Variants in TMTC2 observed in about 807,000 individuals in gnomAD.
The protein encoded by TMTC2 is protein O-mannosyl-transferase TMTC2.
A neutral mutation model predicts 82.4 loss-of-function variants in TMTC2; 43 were observed. The observed-to-expected ratio is 0.52, with a 90% confidence interval of 0.41 to 0.67. The LOEUF is 0.67. Ranked by LOEUF, TMTC2 falls within the 30% of genes least tolerant of loss-of-function variation. The probability of loss-of-function intolerance (pLI) is 0.00; values close to 1 mark genes in which losing one functional copy is unlikely to be tolerated. For missense variants in TMTC2, 919 were observed against 1,012.4 expected, an observed-to-expected ratio of 0.91 and a Z score of 1.25; for synonymous variants, 408 against 381.9, an observed-to-expected ratio of 1.07 and a Z score of -0.80.
At chr12:82,742,564 G>A (rs1335111210) in intron 1 of TMTC2, among the ~76,000 whole-genome samples, 2 of 151,156 alleles carry the variant, frequency 1.3e-5, no homozygotes, top group Admixed American at 6.6e-5. Flanking sequence ...TTGTCGCCCA[G>A]GCTGTAGTGC....
At chr12:83,050,322 G>A (rs1001035038) in intron 9 of TMTC2, among the ~76,000 whole-genome samples, 1 of 136,036 alleles carries the variant, frequency 7.4e-6, no homozygotes, top group Non-Finnish European at 1.7e-5. Context: ...TTCTGGGATA[G>A]CATTATATAA....
At chr12:82,901,415 C>T (rs1045673923) in intron 3 of TMTC2, among the ~76,000 whole-genome samples, 14 of 150,386 alleles carry the variant, frequency 9.3e-5, no homozygotes, top group South Asian at 2.1e-4. Flanking sequence ...AGCAATTCAC[C>T]GGCCACAGCC....
chr12:83,106,653 G>T (rs181319348), intron 11 of TMTC2, among the ~76,000 whole-genome samples: 2 of 152,252 alleles, frequency 1.3e-5, no homozygotes, highest in South Asian at 2.1e-4. Context: ...CAGCCAGAGA[G>T]AAAAGAAAAC....
At chr12:83,006,722 G>T (rs4569064) in intron 8 of TMTC2, among the ~76,000 whole-genome samples, 1 of 151,772 alleles carries the variant, frequency 6.6e-6, no homozygotes, top group Admixed American at 6.6e-5. Context: ...ATCAATGATA[G>T]ACTGGATTAA....
chr12:82,987,452 A>T (rs1293528049), intron 8 of TMTC2, among the ~76,000 whole-genome samples: 1 of 151,402 alleles, frequency 6.6e-6, no homozygotes, highest in East Asian at 1.9e-4. Context: ...AAAAAAAAAG[A>T]AATCATATAG....
At chr12:83,117,667 A>T (rs1175971346) in intron 11 of TMTC2, among the ~76,000 whole-genome samples, 1 of 151,818 alleles carries the variant, frequency 6.6e-6, no homozygotes, top group Non-Finnish European at 1.5e-5. Context: ...TGAATTTTAG[A>T]TTTGTTTTTT....
At chr12:83,054,614 A>G (rs1416375763) in intron 10 of TMTC2, among the ~76,000 whole-genome samples, 2 of 150,738 alleles carry the variant, frequency 1.3e-5, no homozygotes, top group Admixed American at 6.7e-5. Flanking sequence ...ATTTATATAT[A>G]TAGTATACAT....
At chr12:82,912,171 T>A (rs949703848) in intron 3 of TMTC2, among the ~76,000 whole-genome samples, 1 of 152,216 alleles carries the variant, frequency 6.6e-6, no homozygotes, top group African/African-American at 2.4e-5. Context: ...GTTTTAATTA[T>A]GAAAAATTTC....
chr12:82,882,469 C>G (rs116999644), intron 2 of TMTC2, among the ~76,000 whole-genome samples: 1 of 152,000 alleles, frequency 6.6e-6, no homozygotes, highest in African/African-American at 2.4e-5. Context: ...ATCTGTTACT[C>G]TGATGTATCT....
intron 2 of TMTC2, among the ~76,000 whole-genome samples, chr12:82,895,610 C>T (rs1873620544): frequency 6.6e-6 from 1 of 152,064 alleles, no homozygotes; most frequent in African/African-American, 2.4e-5. Context: ...AAAATATATA[C>T]AAACTACGAT....
At chr12:82,773,200 A>G (rs1331681814) in intron 1 of TMTC2, among the ~76,000 whole-genome samples, 3 of 152,214 alleles carry the variant, frequency 2.0e-5, no homozygotes. Flanking sequence ...GGTTGTCACC[A>G]GTGACTACAG....
chr12:82,932,338 G>A (rs1277902439), intron 4 of TMTC2, among the ~76,000 whole-genome samples: 2 of 152,090 alleles, frequency 1.3e-5, no homozygotes, highest in Non-Finnish European at 2.9e-5. Flanking sequence ...CTTTCACAGT[G>A]TGTAATTTTT....
intron 1 of TMTC2, among the ~76,000 whole-genome samples, chr12:82,851,029 A>C (rs1229484984): frequency 1.3e-5 from 2 of 152,082 alleles, no homozygotes; most frequent in Non-Finnish European, 2.9e-5. Context: ...GCACCTCTGC[A>C]CTCCAGCCTG....
At chr12:82,701,928 T>C (rs1419982334) in intron 1 of TMTC2, among the ~76,000 whole-genome samples, 1 of 152,128 alleles carries the variant, frequency 6.6e-6, no homozygotes, top group East Asian at 1.9e-4. Flanking sequence ...AAGAGAAAGA[T>C]TTTTAACTCC....
intron 11 of TMTC2, among the ~76,000 whole-genome samples, chr12:83,115,252 T>A (rs1054611069): frequency 6.6e-6 from 1 of 152,054 alleles, no homozygotes; most frequent in Non-Finnish European, 1.5e-5. Flanking sequence ...ACAAACAAAG[T>A]GTAGAATGAA....
At chr12:82,740,515 TTTAAACTGATGTTATGTAC>T (rs959505206) in intron 1 of TMTC2, among the ~76,000 whole-genome samples, 11 of 152,228 alleles carry the variant, frequency 7.2e-5, no homozygotes, top group African/African-American at 2.4e-4. Context: ...GTGTTGTGGA[TTTAAACTGATGTTATGTAC>T]TCTGATCCTA....
At chr12:82,794,484 G>A (rs2137027104) in intron 1 of TMTC2, among the ~76,000 whole-genome samples, 1 of 152,162 alleles carries the variant, frequency 6.6e-6, no homozygotes, top group South Asian at 2.1e-4. Context: ...ACAAGTGAAG[G>A]ACTCTAAATC....
chr12:82,955,427 T>C (rs2137286108), intron 4 of TMTC2, among the ~76,000 whole-genome samples: 1 of 152,318 alleles, frequency 6.6e-6, no homozygotes, highest in East Asian at 1.9e-4. Flanking sequence ...TGACTGTTCT[T>C]TATTAATCAA....
chr12:82,980,706 G>T (rs986361705), intron 7 of TMTC2, among the ~76,000 whole-genome samples: 1 of 151,790 alleles, frequency 6.6e-6, no homozygotes, highest in Admixed American at 6.6e-5. Flanking sequence ...GTTCTAAAAC[G>T]TGTATAATTT....
Sources: allele counts gnomAD v4.1 joint callset (sites outside exome capture counted in the v4.1 genomes callset), GRCh38; gene constraint gnomAD v4.1.1; transcripts MANE v1.5; gene names NCBI Gene and HGNC (gene_info 2026-07-23, HGNC 2026-07-21).